Variants in DEPDC5 observed in about 807,000 individuals in gnomAD.
DEPDC5 encodes GATOR1 complex protein DEPDC5.
Under a neutral mutation model 217.3 loss-of-function variants are expected in DEPDC5, and 73 were observed. The ratio of observed to expected loss-of-function variants is 0.34; its 90% CI spans 0.28 to 0.41. The LOEUF is 0.41. Among genes scored for constraint, DEPDC5 ranks in the 10% least tolerant of loss-of-function variants. DEPDC5 has a pLI of 1.00. For missense variants in DEPDC5, 1,675 were observed against 2,070.1 expected (o/e 0.81, Z 3.70); for synonymous variants, 733 against 756.7 (o/e 0.97, Z 0.51).
Position 31,768,095 on chromosome 22 carries a change from T to A in DEPDC5, c.364-719T>A, listed in dbSNP as rs181349632. 6.6e-3 allele frequency among the ~76,000 whole-genome samples: 990 copies of A among 150,896 alleles called. 12 individuals are homozygous for A. The highest frequency in any genetic ancestry group is 0.021 in the African/African-American group (866 of 41,368). On this transcript the variant is annotated intron_variant, in intron 6 of 42. Transcript: ENST00000651528. ...ATTATATTTTAATTGTTTTTTTTTT[T>A]AATTTTTTTTTATTTCCGTGTTACT...
intron 20 of DEPDC5, among the ~76,000 whole-genome samples, chr22:31,812,928 C>T (rs1211444241): frequency 4.6e-5 from 7 of 151,860 alleles, no homozygotes; most frequent in South Asian, 2.1e-4. Context: ...TTAGTAGAGA[C>T]GGGGTTTCTC....
At chr22:31,887,457 C>G (rs1056547759) in intron 38 of DEPDC5, among the ~76,000 whole-genome samples, 1 of 146,106 alleles carries the variant, frequency 6.8e-6, no homozygotes, top group African/African-American at 2.5e-5. Flanking sequence ...GTCATATGTC[C>G]AAAAAATAGG....
At chr22:31,792,941 C>T in intron 12 of DEPDC5, 124 bp downstream of exon 12, 4 of 739,260 alleles carry the variant, frequency 5.4e-6, no homozygotes, top group Non-Finnish European at 7.6e-6. Context: ...AAAAAATTCG[C>T]CTCTTGTGGT....
chr22:31,802,622 T>G, intron 14 of DEPDC5, 82 bp from the exon 15 acceptor site: 6 of 1,400,414 alleles, frequency 4.3e-6, no homozygotes, highest in Non-Finnish European at 5.7e-6. Context: ...CAGAATGCTC[T>G]GAGAGTGTAG....
chr22:31,843,781 T>A lies in DEPDC5; in HGVS notation c.2770T>A (p.Tyr924Asn). The A allele has an allele frequency of 6.2e-7, 1 of 1,611,576 alleles. No homozygotes were observed. Among genetic ancestry groups the A allele is most frequent in the Non-Finnish European group, 8.5e-7 (1 of 1,177,916 alleles). The change falls in exon 29 of 43, where the codon TAT (tyrosine) becomes AAT (asparagine). Residue 924 changes from tyrosine (Y) to asparagine (N), a missense_variant. Tyr to Asn is a moderately radical substitution (Grantham distance 143, BLOSUM62 -2). This residue lies in a region of DEPDC5 where 293 missense variants were observed against 386.1 expected (regional missense o/e 0.76). Transcript: ENST00000651528. ...GTACAAGTGGAATTACTTAGATCAG[T>A]ATATCTGTTCTGCCGGCTCTGAAGA... is the stretch of plus-strand genomic sequence containing the variant. The part of the protein sequence containing the change: ...EEYKWNYLDQ[Y>N]ICSAGSEDFS...
chr22:31,858,653 TC>T (rs1381868333), intron 32 of DEPDC5: 1 of 152,216 alleles, frequency 6.6e-6, no homozygotes, highest in Non-Finnish European at 1.5e-5. Flanking sequence ...TCGTTTTTTT[TC>T]CCCTAAGCAA....
At chr22:31,876,310 T>C (rs780313269) in intron 37 of DEPDC5, 45 bp downstream of exon 37, 2 of 1,498,114 alleles carry the variant, frequency 1.3e-6, no homozygotes, top group Non-Finnish European at 1.9e-6. Flanking sequence ...GCAAGTGTTT[T>C]TCCTGGTGAC....
chr22:31,773,910 A>G (rs2083579536), intron 7 of DEPDC5, among the ~76,000 whole-genome samples: 1 of 152,060 alleles, frequency 6.6e-6, no homozygotes, highest in Non-Finnish European at 1.5e-5. Flanking sequence ...TGTCTCTACT[A>G]AAAATACAAA....
intron 31 of DEPDC5, among the ~76,000 whole-genome samples, chr22:31,850,959 G>A (rs763039009): frequency 2.0e-5 from 3 of 151,750 alleles, no homozygotes; most frequent in Non-Finnish European, 2.9e-5. Flanking sequence ...TCCCAGCTAC[G>A]CGGGAGGCTG....
intron 38 of DEPDC5, among the ~76,000 whole-genome samples, chr22:31,888,240 G>GTTTTTTTTTTTTT (rs71184531): frequency 1.5e-5 from 1 of 66,352 alleles, no homozygotes; most frequent in Non-Finnish European, 2.6e-5. Flanking sequence ...TTTGTCTGTG[G>GTTTTTTTTTTTTT]TTTTTTTTTT....
intron 12 of DEPDC5, among the ~76,000 whole-genome samples, chr22:31,795,685 C>T (rs2086162937): frequency 6.6e-6 from 1 of 151,834 alleles, no homozygotes; most frequent in African/African-American, 2.4e-5. Context: ...ACGCCTGACC[C>T]ATATGGTTCT....
At chr22:31,762,422 C>G (rs1228349525) in intron 4 of DEPDC5, among the ~76,000 whole-genome samples, 3 of 152,186 alleles carry the variant, frequency 2.0e-5, no homozygotes, top group Non-Finnish European at 4.4e-5. Flanking sequence ...ATAAGATACT[C>G]TTTTAAATAG....
intron 7 of DEPDC5, among the ~76,000 whole-genome samples, chr22:31,771,281 G>T (rs935256065): frequency 2.6e-5 from 4 of 152,114 alleles, no homozygotes; most frequent in African/African-American, 9.7e-5. Flanking sequence ...AGAAAGAAAG[G>T]ATAGAGGCTT....
At chr22:31,759,177 T>C (rs1399493480) in intron 3 of DEPDC5, among the ~76,000 whole-genome samples, 1 of 151,870 alleles carries the variant, frequency 6.6e-6, no homozygotes, top group Non-Finnish European at 1.5e-5. Flanking sequence ...GGTAATCCAC[T>C]GGCCTTGGCC....
intron 27 of DEPDC5, among the ~76,000 whole-genome samples, chr22:31,842,297 T>C (rs113218338): frequency 0.037 from 5,574 of 152,228 alleles, 159 homozygotes; most frequent in African/African-American, 0.08. Flanking sequence ...ATGAGCAGGC[T>C]GAGCACGGTG....
rs1363713873 is a variant in DEPDC5 at position 31,857,571 on chromosome 22, A to G, written c.3264+18A>G. The G allele has an allele frequency of 6.3e-7, 1 of 1,589,382 alleles. No individual in the cohort carries two copies. The highest frequency in any genetic ancestry group is 1.1e-5 in the South Asian group (1 of 87,698). ...CACGAAAGGTAAAGGAAGCCGCGGT[A>G]GCAGGGAGCTGTTCTGTGCTCTCAG... On this transcript the variant is annotated intron_variant, in intron 32 of 42. Transcript: ENST00000651528.
At chr22:31,758,980 G>A (rs1179353394) in intron 3 of DEPDC5, among the ~76,000 whole-genome samples, 2 of 150,926 alleles carry the variant, frequency 1.3e-5, no homozygotes, top group African/African-American at 4.9e-5. Context: ...TCAGCTCACT[G>A]CAACCTCTGC....
rs561282386 is a variant in DEPDC5 at position 31,789,289 on chromosome 22, A to C, written c.625-2744A>C. Among the ~76,000 whole-genome samples the C allele has an allele frequency of 9.3e-4, 141 of 152,392 alleles. 1 individual carries two copies. The highest frequency in any genetic ancestry group is 3.2e-3 in the African/African-American group (133 of 41,602). On this transcript the variant is annotated intron_variant, in intron 10 of 42. Coordinates refer to ENST00000651528, the MANE Select transcript of DEPDC5 (RefSeq NM_001242896.3). ...AATAAAATGTATATCCATACAATGT[A>C]GTATTATTCTGCTATAAAGAAGAAT...
intron 38 of DEPDC5, among the ~76,000 whole-genome samples, chr22:31,888,832 C>T (rs1461513558): frequency 1.3e-5 from 2 of 152,228 alleles, no homozygotes; most frequent in African/African-American, 2.4e-5. Context: ...AGGCGTGAGC[C>T]ACTGCGCTCG....
Sources: allele counts gnomAD v4.1 joint callset (sites outside exome capture counted in the v4.1 genomes callset), GRCh38; gene constraint gnomAD v4.1.1; regional missense constraint gnomAD v4.1.1; transcripts MANE v1.5; gene names NCBI Gene and HGNC (gene_info 2026-07-23, HGNC 2026-07-21).